The following SND1 variants were observed in gnomAD, a reference collection of about 807,000 sequenced individuals.
The protein encoded by SND1 is staphylococcal nuclease domain-containing protein 1.
In SND1, 38 loss-of-function variants were observed where a neutral mutation model predicts 121.7. That is an observed-to-expected ratio of 0.31 (90% CI 0.24 to 0.41). The LOEUF (loss-of-function observed/expected upper bound fraction) is 0.41. Among genes scored for constraint, SND1 ranks in the 10% least tolerant of loss-of-function variants. The probability of loss-of-function intolerance (pLI) is 1.00; values close to 1 mark genes in which losing one functional copy is unlikely to be tolerated. For synonymous variants in SND1, 401 were observed against 447.4 expected (o/e 0.90, Z 1.31); for missense variants, 868 against 1,184.6 (o/e 0.73, Z 3.92).
At chr7:128,022,613 A>G (rs946680971) in intron 16 of SND1, among the ~76,000 whole-genome samples, 3 of 152,206 alleles carry the variant, frequency 2.0e-5, no homozygotes, top group Non-Finnish European at 4.4e-5. Flanking sequence ...TTTATTGGAA[A>G]ACACAATTTA....
rs1045414159 is a variant in SND1, at chr7:128,008,558, G to A, written c.1779+17502G>A. On this transcript the variant is annotated intron_variant, in intron 16 of 23. Transcript: ENST00000354725. Reference sequence around the variant, plus strand: ...AAAATGCCCATCCACGATTGCCCTCGAACTCCCTAGGTGGGACTCCAGCTC... The same window carrying A: ...AAAATGCCCATCCACGATTGCCCTCAAACTCCCTAGGTGGGACTCCAGCTC... 3.0e-4 allele frequency among the ~76,000 whole-genome samples: 45 copies of A among 150,920 alleles called. 1 individual carries two copies. Among genetic ancestry groups the A allele is most frequent in the Non-Finnish European group, 1.8e-4 (12 of 67,890 alleles).
intron 17 of SND1, among the ~76,000 whole-genome samples, chr7:128,080,692 A>G (rs1037586851): frequency 6.6e-6 from 1 of 152,188 alleles, no homozygotes; most frequent in Non-Finnish European, 1.5e-5. Flanking sequence ...CAGGGCTCTC[A>G]CACTCGGACG....
At chr7:127,954,724 A>G (rs1437627384) in intron 15 of SND1, among the ~76,000 whole-genome samples, 2 of 152,136 alleles carry the variant, frequency 1.3e-5, no homozygotes, top group Non-Finnish European at 2.9e-5. Flanking sequence ...GGAGAGCTTC[A>G]TTGATTTGGG....
chr7:127,926,718 A>C (rs1243671611), intron 14 of SND1, among the ~76,000 whole-genome samples: 1 of 72,062 alleles, frequency 1.4e-5, no homozygotes. Flanking sequence ...ACACCCGGCT[A>C]TTTTGTTGTT....
Position 127,844,314 on chromosome 7 carries a change from T to TG in SND1, c.1243-10_1243-9insG. 1 of 1,611,672 alleles carries TG rather than the reference T, an allele frequency of 6.2e-7. No homozygotes were observed. The highest frequency in any genetic ancestry group is 8.5e-7 in the Non-Finnish European group (1 of 1,178,454). ...TCTCAACCCTAATTCCCTTGATTCT[T>TG]TGTTTCCAGGTCAATGTGACGGTGG... On this transcript the variant is annotated splice_polypyrimidine_tract_variant and intron_variant, in intron 11 of 23. Transcript: ENST00000354725.
At chr7:127,697,173 A>C (rs1796019098) in intron 3 of SND1, among the ~76,000 whole-genome samples, 1 of 152,218 alleles carries the variant, frequency 6.6e-6, no homozygotes, top group African/African-American at 2.4e-5. Context: ...CCTGCTCTGA[A>C]TACTGTCTCC....
intron 10 of SND1, among the ~76,000 whole-genome samples, chr7:127,797,554 G>A (rs1798050098): frequency 6.6e-6 from 1 of 152,182 alleles, no homozygotes; most frequent in Non-Finnish European, 1.5e-5. Flanking sequence ...CACTTCGGGG[G>A]TGGGAAATGT....
Position 128,092,017 on chromosome 7 carries a change from T to A in SND1, c.2692T>A (p.Phe898Ile). ...ARLNLWRYGD[F>I]RADDADEFGY... ...GCTGAACCTGTGGCGCTATGGAGAC[T>A]TTCGAGCTGATGATGCAGACGAATT... The change falls in exon 24 of 24, where the codon TTT becomes ATT. Residue 898 changes from phenylalanine (F) to isoleucine (I), a missense_variant. Phe to Ile is a conservative substitution (Grantham distance 21, BLOSUM62 0). Around this residue, in one of 2 missense-constraint regions of SND1, gnomAD observed 743 missense variants for 1,071.3 expected, o/e 0.69. Coordinates refer to ENST00000354725, the MANE Select transcript of SND1 (RefSeq NM_014390.4). This position sits in a 1 kb window ranked among gnomAD's most constrained non-coding sequence, Gnocchi z 4.9. 1 of 1,614,140 alleles carries A rather than the reference T, an allele frequency of 6.2e-7. No individual in the cohort carries two copies. The highest frequency in any genetic ancestry group is 8.5e-7 in the Non-Finnish European group (1 of 1,179,964).
intron 2 of SND1, among the ~76,000 whole-genome samples, chr7:127,693,026 A>G (rs1430447623): frequency 1.3e-5 from 2 of 152,234 alleles, no homozygotes; most frequent in African/African-American, 2.4e-5. Context: ...TGGTCTTATC[A>G]GAGCTTTTCC....
chr7:127,929,446 C>A, intron 15 of SND1, 117 bp downstream of exon 15: 1 of 1,025,216 alleles, frequency 9.8e-7, no homozygotes, highest in Non-Finnish European at 1.5e-6. Context: ...TGCTCTTCCT[C>A]TCTGGTTGGG....
chr7:127,705,908 A>C (rs1296626580), intron 8 of SND1, among the ~76,000 whole-genome samples: 1 of 152,196 alleles, frequency 6.6e-6, no homozygotes, highest in African/African-American at 2.4e-5. Context: ...GAATAACTAT[A>C]GTATTTATTC....
In SND1 at chr7:128,029,529, T is replaced by G. The variant is rs1480408820; in HGVS notation, c.1779+38473T>G. 6.2e-7 allele frequency: 1 copy of G among 1,614,042 alleles called. No homozygotes were observed. The highest frequency in any genetic ancestry group is 1.1e-5 in the South Asian group (1 of 91,082). ...CATAGGGGGAGTCCGACACTTAAGT[T>G]CTGCCATCCGACCCTCAGAAATGTT... On this transcript the variant is annotated intron_variant, in intron 16 of 23. Transcript: ENST00000354725. This position sits in a 1 kb window ranked among gnomAD's most constrained non-coding sequence, Gnocchi z 4.2.
intron 5 of SND1, 141 bp downstream of exon 5, chr7:127,701,464 G>A: frequency 1.2e-6 from 1 of 803,022 alleles, no homozygotes; most frequent in Non-Finnish European, 1.9e-6. Context: ...GGTTAAAACA[G>A]CACCTTAGTA....
chr7:127,816,890 A>G (rs146185209), intron 11 of SND1, among the ~76,000 whole-genome samples: 261 of 152,118 alleles, frequency 1.7e-3, no homozygotes, highest in African/African-American at 5.4e-3. Context: ...CGAACTCCCA[A>G]TCTCAGGTGA....
At chr7:128,032,583 T>TCAGGGGCC (rs1413497142) in intron 16 of SND1, among the ~76,000 whole-genome samples, 2 of 151,674 alleles carry the variant, frequency 1.3e-5, no homozygotes, top group African/African-American at 4.8e-5. Flanking sequence ...AGAGCGGGGC[T>TCAGGGGCC]CAGGGGCCCG....
chr7:127,823,033 A>G (rs934015395), intron 11 of SND1, among the ~76,000 whole-genome samples: 2 of 152,224 alleles, frequency 1.3e-5, no homozygotes, highest in Non-Finnish European at 2.9e-5. Context: ...CTACTGAGTC[A>G]GGGTTTAGGA....
At position 127,691,837 on chromosome 7, in the gene SND1, C is replaced by G. The variant is rs1795924016; in HGVS notation, c.229-2991C>G. Among the ~76,000 whole-genome samples, 3 of 149,928 alleles carry G rather than the reference C, an allele frequency of 2.0e-5. 1 individual carries two copies. In the South Asian group the frequency reaches 6.4e-4, roughly 32 times the overall value. ...AGAGATGGAGTTTCACCATGTTGGC[C>G]AGGCTGGTCCTGAACACCTGACCTC... On this transcript the variant is annotated intron_variant, in intron 2 of 23. Transcript: ENST00000354725.
chr7:128,071,634 A>C (rs322838), intron 16 of SND1, among the ~76,000 whole-genome samples: 1 of 152,064 alleles, frequency 6.6e-6, no homozygotes, highest in African/African-American at 2.4e-5. Flanking sequence ...AATCTCCGTA[A>C]TTCTCCCAGA....
intron 16 of SND1, among the ~76,000 whole-genome samples, chr7:128,050,882 A>T (rs1793034334): frequency 6.6e-6 from 1 of 152,220 alleles, no homozygotes; most frequent in African/African-American, 2.4e-5. Context: ...AGTCCTCCTG[A>T]GCTGAGAAAG....
Sources: gnomAD v4.1 joint callset for allele counts (sites outside exome capture counted in the v4.1 genomes callset) on GRCh38, gnomAD v4.1.1 for gene constraint, gnomAD v4.1.1 regional missense constraint, Gnocchi (gnomAD v3.1) non-coding constraint, MANE v1.5 for transcripts, NCBI Gene and HGNC (gene_info 2026-07-23, HGNC 2026-07-21) for gene names.